RFTN1: variants seen among roughly 807,000 people sequenced by gnomAD.
The protein encoded by RFTN1 is raftlin, lipid raft linker 1.
A neutral mutation model predicts 46.5 loss-of-function variants in RFTN1; 26 were observed. The ratio of observed to expected loss-of-function variants is 0.56; its 90% CI spans 0.41 to 0.78. The LOEUF (loss-of-function observed/expected upper bound fraction) is 0.78, where lower values mean the gene tolerates loss of function less well. Ranked by LOEUF, RFTN1 falls within the 30% of genes least tolerant of loss-of-function variation. The probability of loss-of-function intolerance (pLI) is 0.00; values close to 1 mark genes in which losing one functional copy is unlikely to be tolerated. For synonymous variants in RFTN1, 261 were observed against 284.2 expected, an observed-to-expected ratio of 0.92 and a Z score of 0.82; for missense variants, 693 against 718.7, an observed-to-expected ratio of 0.96 and a Z score of 0.41.
Position 16,385,056 on chromosome 3 carries a change from CTCA to C in RFTN1, c.442-6957_442-6955del, listed in dbSNP as rs1379707629. ...AGACCACTGCCCACTCCGGCCCTCC[CTCA>C]TAACTCACACGCCCCCGATCCGTGA... On this transcript the variant is annotated intron_variant, in intron 4 of 9. Coordinates refer to ENST00000334133, the MANE Select transcript of RFTN1 (RefSeq NM_015150.2). The surrounding 1 kb of genome is among the most constrained non-coding windows in gnomAD (Gnocchi z 5.0). 6.6e-6 allele frequency among the ~76,000 whole-genome samples: 1 copy of C among 152,212 alleles called. No individual in the cohort carries two copies. Among genetic ancestry groups the C allele is most frequent in the Non-Finnish European group, 1.5e-5 (1 of 68,048 alleles).
chr3:16,334,435 T>A lies in RFTN1; in HGVS notation c.1147-7559A>T, dbSNP rs1484288545. On this transcript the variant is annotated intron_variant, in intron 7 of 9. Transcript: ENST00000334133. This position sits in a 1 kb window ranked among gnomAD's most constrained non-coding sequence, Gnocchi z 4.3. The stretch of plus-strand genomic sequence containing the variant: ...GGAATTTAACCTACGTATTAAAAAA[T>A]GAGAAATGCACAGAGTTATTCACTG... 6.6e-6 allele frequency among the ~76,000 whole-genome samples: 1 copy of A among 152,116 alleles called. No homozygotes were observed. The highest frequency in any genetic ancestry group is 1.5e-5 in the Non-Finnish European group (1 of 68,030).
rs1276877987 is a variant in RFTN1, at chr3:16,384,452, G to C, written c.442-6350C>G. 6.6e-6 allele frequency among the ~76,000 whole-genome samples: 1 copy of C among 152,168 alleles called. No homozygotes were observed. The highest frequency in any genetic ancestry group is 1.5e-5 in the Non-Finnish European group (1 of 68,032). ...AACAAGACAACTAGGACTTCATCTG[G>C]TATCGATTCCAGGTCCTACGTGAGA... On this transcript the variant is annotated intron_variant, in intron 4 of 9. Coordinates refer to ENST00000334133, the MANE Select transcript of RFTN1 (RefSeq NM_015150.2). This position sits in a 1 kb window ranked among gnomAD's most constrained non-coding sequence, Gnocchi z 4.7.
chr3:16,333,735 G>A (rs886449710), intron 7 of RFTN1, among the ~76,000 whole-genome samples: 2 of 151,974 alleles, frequency 1.3e-5, no homozygotes, highest in African/African-American at 4.8e-5. Flanking sequence ...AGAAAAAAAA[G>A]GGCTTGTAAA....
Position 16,468,631 on chromosome 3 carries a change from TA to T in RFTN1, c.145+25093del, listed in dbSNP as rs11328874. On this transcript the variant is annotated intron_variant, in intron 2 of 9. Transcript: ENST00000334133. The surrounding 1 kb of genome is among the most constrained non-coding windows in gnomAD (Gnocchi z 4.4). ...CCTCACGTACAACCCAGCGTTTGAGTAAAAAAAAAAAAAAAAAAAACTTTAC... is the reference window on the plus strand; with the variant it reads ...CCTCACGTACAACCCAGCGTTTGAGTAAAAAAAAAAAAAAAAAAACTTTAC... Among the ~76,000 whole-genome samples, 28,609 of 100,138 alleles carry T rather than the reference TA, an allele frequency of 0.29. 3,049 individuals carry two copies. Among genetic ancestry groups the T allele is most frequent in the East Asian group, 0.41 (1,598 of 3,858 alleles). 65.7% of individuals were successfully genotyped at this position (100,138 alleles called of 152,430 possible).
intron 4 of RFTN1, among the ~76,000 whole-genome samples, chr3:16,394,562 G>A (rs1256410427): frequency 1.3e-5 from 2 of 152,150 alleles, no homozygotes; most frequent in East Asian, 3.9e-4. Context: ...AGGGGAGTGG[G>A]GAATTGTGGG....
rs1336977011 is a variant in RFTN1 at position 16,387,261 on chromosome 3, C to T, written c.442-9159G>A. ...CAAGGTCTCCCGCCAAGGCTGAGGC[C>T]ACACGGCCACCCTGCAGTGGCTCCC... On this transcript the variant is annotated intron_variant, in intron 4 of 9. Transcript: ENST00000334133. The surrounding 1 kb of genome is among the most constrained non-coding windows in gnomAD (Gnocchi z 5.2). Among the ~76,000 whole-genome samples, 2 of 152,224 alleles carry T rather than the reference C, an allele frequency of 1.3e-5. No individual in the cohort carries two copies. Among genetic ancestry groups the T allele is most frequent in the Non-Finnish European group, 2.9e-5 (2 of 68,034 alleles).
intron 4 of RFTN1, among the ~76,000 whole-genome samples, chr3:16,396,199 A>G (rs2074464549): frequency 6.6e-6 from 1 of 152,220 alleles, no homozygotes; most frequent in Non-Finnish European, 1.5e-5. Context: ...ATTAACAGCT[A>G]TGGCAGAAAA....
chr3:16,397,781 C>CCT (rs199626819), intron 4 of RFTN1, among the ~76,000 whole-genome samples: 3 of 108,412 alleles, frequency 2.8e-5, no homozygotes, highest in East Asian at 2.4e-4. Flanking sequence ...GGTCTCTCTC[C>CCT]CTCTCTCTCT....
At chr3:16,471,968 C>G (rs1190952890) in intron 2 of RFTN1, 1 of 152,136 alleles carries the variant, frequency 6.6e-6, no homozygotes, top group African/African-American at 2.4e-5. Flanking sequence ...CACACATAAT[C>G]CTCGATAGCA....
intron 2 of RFTN1, among the ~76,000 whole-genome samples, chr3:16,461,976 G>C (rs2076014813): frequency 6.6e-6 from 1 of 152,180 alleles, no homozygotes; most frequent in South Asian, 2.1e-4. Context: ...TAGAATTTTA[G>C]AGCTAGGAAG....
Position 16,434,014 on chromosome 3 carries a change from C to A in RFTN1, c.169G>T (p.Val57Leu). The A allele has an allele frequency of 1.2e-6, 2 of 1,607,060 alleles. No individual in the cohort carries two copies. The highest frequency in any genetic ancestry group is 1.7e-6 in the Non-Finnish European group (2 of 1,177,432). The change falls in exon 3 of 10, where the codon GTG (valine) becomes TTG (leucine). Residue 57 changes from valine (V) to leucine (L), a missense_variant. Physicochemically the swap from Val to Leu is conservative, Grantham distance 32. Transcript: ENST00000334133. ...SAAELPGSSA[V>L]RLASLRDLPA... ...AGGTCACGCAGGGAGGCCAGCCTCA[C>A]TGCTGAGGACCCAGGGAGCTCCGCT...
rs573880027 is a variant in RFTN1, at chr3:16,361,557, A to G, written c.1031-3510T>C. Among the ~76,000 whole-genome samples, 62 of 152,298 alleles carry G rather than the reference A, an allele frequency of 4.1e-4. No homozygotes were observed. The highest frequency in any genetic ancestry group is 1.4e-3 in the African/African-American group (60 of 41,556). ...CGAGTGAACTAAGCAAGCAAGGAAC[A>G]TGGATCTGCAGGGTTTGAGAGTTCC... On this transcript the variant is annotated intron_variant, in intron 6 of 9. Transcript: ENST00000334133. This position sits in a 1 kb window ranked among gnomAD's most constrained non-coding sequence, Gnocchi z 4.3.
intron 4 of RFTN1, among the ~76,000 whole-genome samples, chr3:16,378,829 C>T (rs1293332458): frequency 6.6e-6 from 1 of 152,154 alleles, no homozygotes; most frequent in African/African-American, 2.4e-5. Flanking sequence ...ATGGTTCCTT[C>T]TCACTCCCTG....
In RFTN1 at chr3:16,500,602, G is replaced by T. The variant is rs551944102; in HGVS notation, c.-8-6725C>A. Among the ~76,000 whole-genome samples the T allele has an allele frequency of 1.4e-4, 21 of 152,318 alleles. No homozygotes were observed. The South Asian group carries it at 2.7e-3, about 20-fold the overall frequency. The stretch of plus-strand genomic sequence containing the variant: ...GGTTCCGAGACCCGAACTGCAAGAA[G>T]AAGATGACAGACATTGCAAATGATC... On this transcript the variant is annotated intron_variant, in intron 1 of 9. Transcript: ENST00000334133. This position sits in a 1 kb window ranked among gnomAD's most constrained non-coding sequence, Gnocchi z 5.9.
At chr3:16,412,749 T>A (rs983280413) in intron 3 of RFTN1, among the ~76,000 whole-genome samples, 3 of 152,264 alleles carry the variant, frequency 2.0e-5, no homozygotes, top group African/African-American at 7.2e-5. Context: ...TATGACTCCC[T>A]CTGAGCTAGA....
rs1473370074 is a variant in RFTN1, at chr3:16,382,591, C to T, written c.442-4489G>A. On this transcript the variant is annotated intron_variant, in intron 4 of 9. Coordinates refer to ENST00000334133, the MANE Select transcript of RFTN1 (RefSeq NM_015150.2). This position sits in a 1 kb window ranked among gnomAD's most constrained non-coding sequence, Gnocchi z 4.7. ...ATGTTCATTATTCCTAAGTGTGAAC[C>T]CCTAGCCCTGGCTTTCCTTGCAAGT... Among the ~76,000 whole-genome samples the T allele has an allele frequency of 1.3e-5, 2 of 152,110 alleles. No individual in the cohort carries two copies. The highest frequency in any genetic ancestry group is 2.9e-5 in the Non-Finnish European group (2 of 68,018).
At chr3:16,490,886 A>G (rs2076530300) in intron 2 of RFTN1, among the ~76,000 whole-genome samples, 1 of 152,336 alleles carries the variant, frequency 6.6e-6, no homozygotes, top group South Asian at 2.1e-4. Context: ...GCATAAAAGC[A>G]GGATTCAAAA....
In RFTN1 at chr3:16,376,489, T is replaced by C. The variant is rs1393769947; in HGVS notation, c.826+1229A>G. On this transcript the variant is annotated intron_variant, in intron 5 of 9. Coordinates refer to ENST00000334133, the MANE Select transcript of RFTN1 (RefSeq NM_015150.2). The surrounding 1 kb of genome is among the most constrained non-coding windows in gnomAD (Gnocchi z 4.7). ...CTGCCCAGGATTCAGAGCACACACA[T>C]CCAGCCCAGCCTCCATGAGAAGATG... Among the ~76,000 whole-genome samples, 3 of 152,084 alleles carry C rather than the reference T, an allele frequency of 2.0e-5. No homozygotes were observed. Among genetic ancestry groups the C allele is most frequent in the African/African-American group, 7.2e-5 (3 of 41,394 alleles).
chr3:16,372,751 A>AC (rs1243844314), intron 5 of RFTN1, among the ~76,000 whole-genome samples: 1 of 152,180 alleles, frequency 6.6e-6, no homozygotes, highest in East Asian at 1.9e-4. Context: ...GAAGACAGAG[A>AC]CCCTCAGAAA....
Sources: gnomAD v4.1 joint callset for allele counts (sites outside exome capture counted in the v4.1 genomes callset) on GRCh38, gnomAD v4.1.1 for gene constraint, Gnocchi (gnomAD v3.1) non-coding constraint, MANE v1.5 for transcripts, NCBI Gene and HGNC (gene_info 2026-07-23, HGNC 2026-07-21) for gene names.